SLC2A12: variants seen among roughly 807,000 people sequenced by gnomAD.
SLC2A12 encodes the protein solute carrier family 2, facilitated glucose transporter member 12.
SLC2A12 carries 23 observed loss-of-function variants against 41.8 expected under a neutral mutation model. The observed-to-expected ratio is 0.55, with a 90% CI of 0.40 to 0.78. SLC2A12 has a LOEUF of 0.78. Ranked by LOEUF, SLC2A12 falls within the 30% of genes least tolerant of loss-of-function variation. The pLI is 0.00. For synonymous variants in SLC2A12, 295 were observed against 285.9 expected (o/e 1.03, Z -0.32); for missense variants, 654 against 745.6 (o/e 0.88, Z 1.43).
rs1777146581 is a variant in SLC2A12 at position 134,028,552 on chromosome 6, C to T, written c.1273G>A (p.Asp425Asn). ...SRSSLMPLRNDVDKRGETTSA... is the reference protein window; with the variant it reads ...SRSSLMPLRNNVDKRGETTSA... ...GTCGTCTCCCCTCTCTTATCCACATCATTTCTCAGGGGCATGAGTGAGCTT... is the reference window on the plus strand; with the variant it reads ...GTCGTCTCCCCTCTCTTATCCACATTATTTCTCAGGGGCATGAGTGAGCTT... The change falls in exon 2 of 5, where the codon GAT (aspartate) becomes AAT (asparagine). Residue 425 changes from aspartate to asparagine, a missense_variant. Transcript: ENST00000275230. 1 of 1,614,186 alleles carries T rather than the reference C, an allele frequency of 6.2e-7. No homozygotes were observed. Among genetic ancestry groups the T allele is most frequent in the Non-Finnish European group, 8.5e-7 (1 of 1,180,036 alleles).
intron 1 of SLC2A12, among the ~76,000 whole-genome samples, chr6:134,049,532 G>A (rs1773644220): frequency 6.6e-6 from 1 of 152,208 alleles, no homozygotes; most frequent in Non-Finnish European, 1.5e-5. Flanking sequence ...CCTTGTGTGA[G>A]TTGCTCCATC....
Position 134,029,680 on chromosome 6 carries a change from C to G in SLC2A12, c.145G>C (p.Val49Leu). The change falls in exon 2 of 5, where the codon GTC becomes CTC. Residue 49 changes from valine to leucine, a missense_variant. This residue lies in a region of SLC2A12 where 109 missense variants were observed against 153.0 expected (regional missense o/e 0.71). Coordinates refer to ENST00000275230, the MANE Select transcript of SLC2A12 (RefSeq NM_145176.3). ...TCATAACCCACCAGGAGGCCACTGA[C>G]AGCAGCAGTGACAGATGACAGGAAG... ...FTFLSSVTAA[V>L]SGLLVGYELG... is the part of the protein sequence containing the mutation. 6.2e-7 allele frequency: 1 copy of G among 1,609,662 alleles called. No homozygotes were observed. Among genetic ancestry groups the G allele is most frequent in the Non-Finnish European group, 8.5e-7 (1 of 1,179,442 alleles).
intron 1 of SLC2A12, among the ~76,000 whole-genome samples, chr6:134,046,978 G>T (rs1777463834): frequency 6.6e-6 from 1 of 152,198 alleles, no homozygotes; most frequent in South Asian, 2.1e-4. Context: ...ATTTGACTCA[G>T]TTTCAGCTGG....
chr6:133,995,953 G>A (rs1776681856), intron 4 of SLC2A12, among the ~76,000 whole-genome samples: 1 of 152,126 alleles, frequency 6.6e-6, no homozygotes, highest in African/African-American at 2.4e-5. Context: ...ATCTTCCAAG[G>A]TTGGCTCTTT....
At chr6:134,009,654 C>T (rs1451804370) in intron 2 of SLC2A12, among the ~76,000 whole-genome samples, 1 of 141,594 alleles carries the variant, frequency 7.1e-6, no homozygotes, top group Non-Finnish European at 1.5e-5. Flanking sequence ...AATCTTGTCT[C>T]TACTTAAAAT....
intron 1 of SLC2A12, among the ~76,000 whole-genome samples, chr6:134,048,582 C>A (rs1339301999): frequency 6.6e-6 from 1 of 152,066 alleles, no homozygotes; most frequent in Non-Finnish European, 1.5e-5. Context: ...AAAAACAAAA[C>A]AACAACAACA....
At chr6:134,021,370 A>G (rs985990472) in intron 2 of SLC2A12, among the ~76,000 whole-genome samples, 2 of 152,250 alleles carry the variant, frequency 1.3e-5, no homozygotes, top group Non-Finnish European at 2.9e-5. Flanking sequence ...GTGCTCACTT[A>G]CAGGGACAGA....
intron 1 of SLC2A12, among the ~76,000 whole-genome samples, chr6:134,035,947 C>T (rs866272595): frequency 3.9e-5 from 6 of 152,224 alleles, no homozygotes; most frequent in Non-Finnish European, 8.8e-5. Context: ...ACAATAGCTG[C>T]ATTGTCTGCT....
At chr6:134,013,215 C>CTGGAGG (rs952416831) in intron 2 of SLC2A12, among the ~76,000 whole-genome samples, 4 of 151,964 alleles carry the variant, frequency 2.6e-5, no homozygotes, top group South Asian at 2.1e-4. Context: ...TGCTTGAACC[C>CTGGAGG]TGGAGGTGGA....
At chr6:134,031,828 A>G (rs1582619359) in intron 1 of SLC2A12, among the ~76,000 whole-genome samples, 2 of 152,240 alleles carry the variant, frequency 1.3e-5, no homozygotes, top group Non-Finnish European at 1.5e-5. Context: ...TTTGGAAGCC[A>G]GCAGCACACA....
Position 134,006,813 on chromosome 6 carries a change from A to T in SLC2A12, c.1566T>A (p.Thr522=). ...LLISLTFLTV[T]DLIGLPWVCF... is the part of the protein sequence containing the mutation. ...TAGAGGAAAACAAAGACTTCTTACC[A>T]GTTACAGTCAAAAATGTCAGCGAGA... The change falls in exon 3 of 5, where the codon ACT becomes ACA. Residue 522 remains threonine, a splice_region_variant and synonymous_variant. Coordinates refer to ENST00000275230, the MANE Select transcript of SLC2A12 (RefSeq NM_145176.3). 1.9e-6 allele frequency: 3 copies of T among 1,614,050 alleles called. No individual in the cohort carries two copies. The highest frequency in any genetic ancestry group is 1.7e-5 in the Admixed American group (1 of 60,018).
At position 134,038,700 on chromosome 6, in the gene SLC2A12, C is replaced by CTTTTT. The variant is rs200794350; in HGVS notation, c.104-8984_104-8980dup. Among the ~76,000 whole-genome samples, 371 of 82,110 alleles carry CTTTTT rather than the reference C, an allele frequency of 4.5e-3. 52 individuals are homozygous for CTTTTT. Among genetic ancestry groups the CTTTTT allele is most frequent in the African/African-American group, 0.022 (347 of 15,704 alleles). 53.9% of individuals were successfully genotyped at this position (82,110 alleles called of 152,430 possible). A position where few individuals can be genotyped will look rare whatever the true frequency, so the allele number is the denominator to read the frequency against. ...CTTTTATCCTTTCTTCCTTTCTTTC[C>CTTTTT]TTTTTTTTTTTTTTTTTTTTTTTTT... On this transcript the variant is annotated intron_variant, in intron 1 of 4. Transcript: ENST00000275230.
At chr6:134,035,634 G>A (rs773961757) in intron 1 of SLC2A12, among the ~76,000 whole-genome samples, 2 of 152,056 alleles carry the variant, frequency 1.3e-5, no homozygotes, top group Non-Finnish European at 2.9e-5. Flanking sequence ...AACTAAATTT[G>A]TTATGCTTTT....
At chr6:134,040,670 A>C (rs1242122152) in intron 1 of SLC2A12, among the ~76,000 whole-genome samples, 1 of 152,230 alleles carries the variant, frequency 6.6e-6, no homozygotes, top group Admixed American at 6.5e-5. Flanking sequence ...CAATAGAAGG[A>C]GGCTTGGGAC....
At chr6:133,995,347 G>A (rs1020156126) in intron 4 of SLC2A12, among the ~76,000 whole-genome samples, 2 of 151,852 alleles carry the variant, frequency 1.3e-5, no homozygotes, top group Non-Finnish European at 2.9e-5. Context: ...GAGGAGAGAG[G>A]GGGTGAAGGG....
At chr6:134,006,325 T>C (rs1776816553) in intron 3 of SLC2A12, among the ~76,000 whole-genome samples, 1 of 151,858 alleles carries the variant, frequency 6.6e-6, no homozygotes, top group South Asian at 2.1e-4. Context: ...ATATAAGGTA[T>C]AGTGGGGGTG....
chr6:134,017,785 C>T (rs966909626), intron 2 of SLC2A12, among the ~76,000 whole-genome samples: 2 of 151,168 alleles, frequency 1.3e-5, no homozygotes, highest in African/African-American at 4.9e-5. Flanking sequence ...ACCCGGAAGG[C>T]GGAGCTTGCA....
intron 4 of SLC2A12, among the ~76,000 whole-genome samples, chr6:133,993,084 C>T (rs1336558092): frequency 1.3e-5 from 2 of 152,170 alleles, no homozygotes. Context: ...TCCAGCCTCA[C>T]TGTTGGCTTC....
At chr6:134,049,304 A>G in intron 1 of SLC2A12, among the ~76,000 whole-genome samples, 1 of 152,144 alleles carries the variant, frequency 6.6e-6, no homozygotes, top group East Asian at 1.9e-4. Flanking sequence ...TACAGTAAAT[A>G]TTGTTCTTGT....
Sources: gnomAD v4.1 joint callset for allele counts (sites outside exome capture counted in the v4.1 genomes callset) on GRCh38, gnomAD v4.1.1 for gene constraint, gnomAD v4.1.1 regional missense constraint, MANE v1.5 for transcripts, NCBI Gene and HGNC (gene_info 2026-07-23, HGNC 2026-07-21) for gene names.